NBAS: variants seen among roughly 807,000 people sequenced by gnomAD.
NBAS encodes NBAS subunit of NRZ tethering complex, also known as NAG/BC035112 fusion.
Under a neutral mutation model 302.5 loss-of-function variants are expected in NBAS, and 219 were observed. The observed-to-expected ratio is 0.72, with a 90% CI of 0.65 to 0.81. NBAS has a LOEUF of 0.81. Ranked by LOEUF, NBAS falls within the 30% of genes least tolerant of loss-of-function variation. The pLI, the probability that NBAS is intolerant of heterozygous loss-of-function variation, is 0.00. For synonymous variants in NBAS, 1,118 were observed against 1,021.6 expected (o/e 1.09, Z -1.80); for missense variants, 2,932 against 2,841.6 (o/e 1.03, Z -0.72).
chr2:14,849,138 A>C, the NBAS span, among the ~76,000 whole-genome samples: 1 of 142,836 alleles, frequency 7.0e-6, no homozygotes, highest in Non-Finnish European at 1.5e-5. Context: ...GAGCTACGGG[A>C]GGACATTCAA....
chr2:15,507,119 C>G (rs953050956), intron 10 of NBAS, among the ~76,000 whole-genome samples: 2 of 152,092 alleles, frequency 1.3e-5, no homozygotes, highest in Non-Finnish European at 2.9e-5. Context: ...GCTGATAAAC[C>G]TAAGAGGTAA....
chr2:15,506,779 T>C (rs1661874762), intron 10 of NBAS, among the ~76,000 whole-genome samples: 1 of 151,708 alleles, frequency 6.6e-6, no homozygotes, highest in Non-Finnish European at 1.5e-5. Context: ...TATGTGACAA[T>C]GCAGAAACAA....
chr2:15,300,091 C>T (rs896492279), intron 40 of NBAS, among the ~76,000 whole-genome samples: 1 of 152,174 alleles, frequency 6.6e-6, no homozygotes, highest in Non-Finnish European at 1.5e-5. Flanking sequence ...CTCCAGGGGG[C>T]CTCTGCTGGC....
the NBAS span, among the ~76,000 whole-genome samples, chr2:15,029,232 G>A: frequency 6.6e-6 from 1 of 152,326 alleles, no homozygotes; most frequent in Non-Finnish European, 1.5e-5. Context: ...CTAAAAAATA[G>A]AAGGTAAGAC....
intron 9 of NBAS, among the ~76,000 whole-genome samples, chr2:15,530,428 T>C (rs759737758): frequency 6.6e-6 from 1 of 152,026 alleles, no homozygotes. Flanking sequence ...AAAGAATTAG[T>C]AAAATAGGAA....
At chr2:14,996,096 C>T in the NBAS span, among the ~76,000 whole-genome samples, 1 of 152,260 alleles carries the variant, frequency 6.6e-6, no homozygotes, top group African/African-American at 2.4e-5. Context: ...AATTATAAGC[C>T]TCTGTCACAG....
intron 21 of NBAS, among the ~76,000 whole-genome samples, chr2:15,437,046 A>G (rs981727025): frequency 6.6e-6 from 1 of 152,102 alleles, no homozygotes; most frequent in African/African-American, 2.4e-5. Context: ...TGTACAGCAG[A>G]TTTTTTTTCA....
chr2:15,013,012 C>A, the NBAS span, among the ~76,000 whole-genome samples: 84 of 152,318 alleles, frequency 5.5e-4, no homozygotes, highest in African/African-American at 1.9e-3. Flanking sequence ...CATCCGCCAC[C>A]ATGCCCAGCT....
the NBAS span, among the ~76,000 whole-genome samples, chr2:15,143,259 G>T: frequency 1.3e-5 from 2 of 152,132 alleles, no homozygotes; most frequent in Non-Finnish European, 2.9e-5. Flanking sequence ...TTACAAACAA[G>T]AATTAGAGGC....
the NBAS span, among the ~76,000 whole-genome samples, chr2:14,802,694 G>A: frequency 4.0e-5 from 6 of 149,346 alleles, no homozygotes; most frequent in African/African-American, 1.5e-4. Context: ...ATATACCATG[G>A]AATACTATGC....
At chr2:15,023,273 G>A in the NBAS span, among the ~76,000 whole-genome samples, 1 of 152,162 alleles carries the variant, frequency 6.6e-6, no homozygotes, top group East Asian at 1.9e-4. Flanking sequence ...GTATTCTATG[G>A]TATGTGCTCA....
rs182890840 is a variant in NBAS at position 15,359,724 on chromosome 2, T to A, written c.3818-3308A>T. ...AAAATTGTGATTATCTTTTTAATAA[T>A]CTTTATTATCTATTAAAATGTAAGC... is the stretch of plus-strand genomic sequence containing the variant. On this transcript the variant is annotated intron_variant, in intron 32 of 51. Transcript: ENST00000281513. 3.1e-3 allele frequency among the ~76,000 whole-genome samples: 477 copies of A among 152,322 alleles called. 1 individual carries two copies. Among genetic ancestry groups the A allele is most frequent in the Middle Eastern group, 6.8e-3 (2 of 294 alleles).
chr2:15,329,597 C>T (rs1672228053), intron 36 of NBAS, among the ~76,000 whole-genome samples: 1 of 152,188 alleles, frequency 6.6e-6, no homozygotes, highest in Non-Finnish European at 1.5e-5. Context: ...TTATCACAGT[C>T]TACATGAGGC....
chr2:15,560,811 C>G (rs2148723395), intron 1 of NBAS, among the ~76,000 whole-genome samples: 1 of 152,202 alleles, frequency 6.6e-6, no homozygotes, highest in Non-Finnish European at 1.5e-5. Flanking sequence ...ACTGAGGGTC[C>G]AGATAGGAGA....
At chr2:15,473,090 T>A (rs757707570) in intron 16 of NBAS, 132 bp downstream of exon 16, 4 of 1,038,914 alleles carry the variant, frequency 3.9e-6, no homozygotes, top group Non-Finnish European at 5.6e-6. Context: ...TTTTTCCAGC[T>A]GAGAAAATTG....
chr2:15,040,065 A>G, the NBAS span, among the ~76,000 whole-genome samples: 1 of 152,200 alleles, frequency 6.6e-6, no homozygotes, highest in Admixed American at 6.5e-5. Context: ...GGAATCGAGA[A>G]GGCTGCCCCT....
intron 9 of NBAS, among the ~76,000 whole-genome samples, chr2:15,519,718 T>C (rs1033812644): frequency 2.6e-5 from 4 of 152,190 alleles, no homozygotes; most frequent in African/African-American, 9.6e-5. Flanking sequence ...GTGCTGGGAT[T>C]ACAGGCATGA....
the NBAS span, among the ~76,000 whole-genome samples, chr2:15,099,332 C>T: frequency 7.9e-5 from 12 of 152,108 alleles, no homozygotes; most frequent in Admixed American, 2.0e-4. Context: ...TTTAGGTGAC[C>T]ATTTCTGAGA....
intron 12 of NBAS, among the ~76,000 whole-genome samples, chr2:15,480,805 G>T (rs1680399036): frequency 6.6e-6 from 1 of 152,126 alleles, no homozygotes; most frequent in Admixed American, 6.5e-5. Context: ...GGATGTTAAT[G>T]ATATCCTTTT....
Sources: gnomAD v4.1 joint callset for allele counts (sites outside exome capture counted in the v4.1 genomes callset) on GRCh38, gnomAD v4.1.1 for gene constraint, MANE v1.5 for transcripts, NCBI Gene and HGNC (gene_info 2026-07-23, HGNC 2026-07-21) for gene names.